The following DENND1A variants were observed in gnomAD, a reference collection of about 807,000 sequenced individuals.
DENND1A encodes DENN domain-containing protein 1A.
DENND1A carries 51 observed loss-of-function variants against 113.7 expected under a neutral mutation model. That is an observed-to-expected ratio of 0.45 (90% CI 0.36 to 0.57). The LOEUF (loss-of-function observed/expected upper bound fraction) is 0.57. Ranked by LOEUF, DENND1A falls within the 20% of genes least tolerant of loss-of-function variation. DENND1A has a pLI of 0.00. For synonymous variants in DENND1A, 565 were observed against 570.8 expected (o/e 0.99, Z 0.14); for missense variants, 1,258 against 1,395.9 (o/e 0.90, Z 1.57).
chr9:123,575,891 T>C (rs1463655436), intron 12 of DENND1A, among the ~76,000 whole-genome samples: 1 of 152,248 alleles, frequency 6.6e-6, no homozygotes, highest in Admixed American at 6.5e-5. Flanking sequence ...ACAGAAATTA[T>C]ACAATTGGGT....
chr9:123,490,666 G>A (rs968474808), intron 13 of DENND1A, among the ~76,000 whole-genome samples: 1 of 150,116 alleles, frequency 6.7e-6, no homozygotes, highest in African/African-American at 2.5e-5. Flanking sequence ...CAATTGTCTA[G>A]TAGCACATTA....
intron 5 of DENND1A, among the ~76,000 whole-genome samples, chr9:123,735,448 C>T (rs1266281845): frequency 6.6e-6 from 1 of 152,170 alleles, no homozygotes; most frequent in Non-Finnish European, 1.5e-5. Context: ...GACTCCACAG[C>T]TCACACTCTC....
At chr9:123,916,139 CGTCA>C (rs1451620974) in intron 1 of DENND1A, among the ~76,000 whole-genome samples, 4 of 151,998 alleles carry the variant, frequency 2.6e-5, no homozygotes, top group African/African-American at 9.7e-5. Flanking sequence ...CCTAAGTGCC[CGTCA>C]GTATGAGATG....
chr9:123,529,329 C>T (rs2055107668), intron 13 of DENND1A, among the ~76,000 whole-genome samples: 1 of 152,168 alleles, frequency 6.6e-6, no homozygotes, highest in Middle Eastern at 3.4e-3. Context: ...CCCTTCTCCC[C>T]CGACTGTAGT....
intron 13 of DENND1A, among the ~76,000 whole-genome samples, chr9:123,536,503 G>A (rs1269868200): frequency 6.6e-6 from 1 of 151,702 alleles, no homozygotes; most frequent in Non-Finnish European, 1.5e-5. Flanking sequence ...AGCTGTCAGC[G>A]ACTTGCAGAA....
chr9:123,419,798 CA>C (rs2045084714), intron 19 of DENND1A, among the ~76,000 whole-genome samples: 1 of 152,230 alleles, frequency 6.6e-6, no homozygotes, highest in Non-Finnish European at 1.5e-5. Flanking sequence ...CTTGCAGGCA[CA>C]GCTCTCACCT....
intron 8 of DENND1A, among the ~76,000 whole-genome samples, chr9:123,661,878 A>T (rs1475968338): frequency 6.6e-6 from 1 of 152,240 alleles, no homozygotes; most frequent in East Asian, 1.9e-4. Context: ...AAAATAGGAG[A>T]GAAAAAACAA....
chr9:123,859,502 C>A (rs2133264370), intron 2 of DENND1A, among the ~76,000 whole-genome samples: 1 of 151,846 alleles, frequency 6.6e-6, no homozygotes, highest in Admixed American at 6.6e-5. Context: ...TTTAAAATTA[C>A]ATGGTTAATA....
chr9:123,889,000 G>GTGTGTGTGTGTGTC (rs1225369221), intron 1 of DENND1A, among the ~76,000 whole-genome samples: 3 of 149,804 alleles, frequency 2.0e-5, no homozygotes, highest in African/African-American at 7.4e-5. Context: ...GTGTGTGTGT[G>GTGTGTGTGTGTGTC]TGTGTGTATT....
At chr9:123,770,250 C>A (rs550270935) in intron 3 of DENND1A, among the ~76,000 whole-genome samples, 1 of 152,014 alleles carries the variant, frequency 6.6e-6, no homozygotes, top group Non-Finnish European at 1.5e-5. Context: ...AAATCTAAAG[C>A]AAACTACCAG....
intron 1 of DENND1A, among the ~76,000 whole-genome samples, chr9:123,882,430 G>C (rs1019837822): frequency 6.6e-6 from 1 of 150,842 alleles, no homozygotes; most frequent in South Asian, 2.1e-4. Flanking sequence ...ACTAGTTGCT[G>C]AGACTAACAA....
At chr9:123,851,489 C>T (rs1222310385) in intron 2 of DENND1A, among the ~76,000 whole-genome samples, 1 of 152,136 alleles carries the variant, frequency 6.6e-6, no homozygotes, top group Admixed American at 6.6e-5. Context: ...ATCCAGGGTA[C>T]TCTTAGGATA....
chr9:123,753,374 T>A (rs1174525904), intron 5 of DENND1A, among the ~76,000 whole-genome samples: 1 of 152,212 alleles, frequency 6.6e-6, no homozygotes, highest in Non-Finnish European at 1.5e-5. Context: ...ACAAAGGGTG[T>A]CTAAAAACCT....
intron 2 of DENND1A, among the ~76,000 whole-genome samples, chr9:123,828,621 G>A (rs1364630562): frequency 7.7e-6 from 1 of 130,264 alleles, no homozygotes; most frequent in African/African-American, 3.1e-5. Context: ...AAATGAAAAG[G>A]AAAAACTTAA....
chr9:123,493,942 T>C (rs2051621331), intron 13 of DENND1A, among the ~76,000 whole-genome samples: 1 of 152,206 alleles, frequency 6.6e-6, no homozygotes, highest in Non-Finnish European at 1.5e-5. Flanking sequence ...GATCTGTCTC[T>C]AGGACTCTAA....
chr9:123,888,219 G>A (rs901555624), intron 1 of DENND1A, among the ~76,000 whole-genome samples: 1 of 152,164 alleles, frequency 6.6e-6, no homozygotes, highest in Non-Finnish European at 1.5e-5. Context: ...GAATGATGGG[G>A]ATACATTGAA....
chr9:123,493,880 T>C (rs1182393636), intron 13 of DENND1A, among the ~76,000 whole-genome samples: 1 of 152,182 alleles, frequency 6.6e-6, no homozygotes, highest in African/African-American at 2.4e-5. Context: ...TCTGGCTCTC[T>C]TTCCTGAGAG....
chr9:123,897,243 A>T (rs1350063939), intron 1 of DENND1A, among the ~76,000 whole-genome samples: 1 of 152,218 alleles, frequency 6.6e-6, no homozygotes, highest in Non-Finnish European at 1.5e-5. Context: ...AAGTACCACC[A>T]AACCAGTGGT....
intron 2 of DENND1A, among the ~76,000 whole-genome samples, chr9:123,805,082 T>C (rs1835313819): frequency 6.6e-6 from 1 of 152,186 alleles, no homozygotes; most frequent in Non-Finnish European, 1.5e-5. Flanking sequence ...CAATTCACTC[T>C]GTCTGATAAA....
Sources: allele counts gnomAD v4.1 joint callset (sites outside exome capture counted in the v4.1 genomes callset), GRCh38; gene constraint gnomAD v4.1.1; transcripts MANE v1.5; gene names NCBI Gene and HGNC (gene_info 2026-07-23, HGNC 2026-07-21).